PTPRC: variants seen among roughly 807,000 people sequenced by gnomAD.
The protein encoded by PTPRC is receptor-type tyrosine-protein phosphatase C.
In PTPRC, 44 loss-of-function variants were observed where a neutral mutation model predicts 155.9. That is an observed-to-expected ratio of 0.28 (90% confidence interval 0.22 to 0.36). The LOEUF (loss-of-function observed/expected upper bound fraction) is 0.36. Among genes scored for constraint, PTPRC ranks in the 10% least tolerant of loss-of-function variants. PTPRC has a pLI of 1.00. For missense variants in PTPRC, 1,401 were observed against 1,564.6 expected, an observed-to-expected ratio of 0.90 and a Z score of 1.76; for synonymous variants, 525 against 533.1, an observed-to-expected ratio of 0.98 and a Z score of 0.21.
At chr1:198,754,598 G>C (rs1464467272) in intron 32 of PTPRC, 194 bp downstream of exon 32, 2 of 685,222 alleles carry the variant, frequency 2.9e-6, no homozygotes, top group Non-Finnish European at 4.7e-6. Flanking sequence ...ATTATTATAA[G>C]TCTAAATAAG....
chr1:198,683,920 T>C (rs559848084), intron 2 of PTPRC, among the ~76,000 whole-genome samples: 1 of 151,840 alleles, frequency 6.6e-6, no homozygotes, highest in South Asian at 2.1e-4. Flanking sequence ...GGCAAATACT[T>C]TTAGGAGATC....
chr1:198,737,153 T>G (rs1434607511), intron 23 of PTPRC, among the ~76,000 whole-genome samples: 1 of 151,794 alleles, frequency 6.6e-6, no homozygotes, highest in African/African-American at 2.4e-5. Flanking sequence ...CTCTTCACTT[T>G]GTTGATTGTT....
chr1:198,704,477 A>C lies in PTPRC; in HGVS notation c.664A>C (p.Thr222Pro). The change falls in exon 8 of 33, where the codon ACT becomes CCT. Residue 222 changes from threonine (T) to proline (P), a missense_variant. Transcript: ENST00000442510. ...ATTTTTTTTCTCCATTACAGCTACTACTCCATCTAAGCCAACATGTGGTAA... is the reference window on the plus strand; with the variant it reads ...ATTTTTTTTCTCCATTACAGCTACTCCTCCATCTAAGCCAACATGTGGTAA... Reference protein sequence around the residue: ...AVISTTTIATTPSKPTCDEKY... With the variant: ...AVISTTTIATPPSKPTCDEKY... 3 of 1,613,964 alleles carry C rather than the reference A, an allele frequency of 1.9e-6. No individual in the cohort carries two copies. The highest frequency in any genetic ancestry group is 2.5e-6 in the Non-Finnish European group (3 of 1,179,954).
chr1:198,692,850 A>T, intron 3 of PTPRC: 16 of 900,968 alleles, frequency 1.8e-5, no homozygotes, highest in Non-Finnish European at 2.1e-5. Flanking sequence ...ATATTTTTAA[A>T]TAATAATTTT....
chr1:198,735,378 G>A (rs947105015), intron 23 of PTPRC, 126 bp downstream of exon 23: 1 of 920,518 alleles, frequency 1.1e-6, no homozygotes, highest in East Asian at 2.8e-5. Context: ...TAGGATGAAA[G>A]CTGTGGTTAG....
intron 2 of PTPRC, among the ~76,000 whole-genome samples, chr1:198,667,970 T>G (rs1664415469): frequency 6.6e-6 from 1 of 152,252 alleles, no homozygotes; most frequent in Admixed American, 6.5e-5. Context: ...GAAAATTGCA[T>G]GTGTTAGCTT....
intron 31 of PTPRC, 72 bp downstream of exon 31, chr1:198,752,844 C>A (rs1265265360): frequency 1.3e-6 from 2 of 1,505,458 alleles, no homozygotes; most frequent in African/African-American, 2.7e-5. Context: ...GTTGTCTTAT[C>A]TAGTTATCCT....
intron 2 of PTPRC, among the ~76,000 whole-genome samples, chr1:198,665,421 G>T (rs1664234793): frequency 6.6e-6 from 1 of 151,984 alleles, no homozygotes; most frequent in Non-Finnish European, 1.5e-5. Flanking sequence ...TCAAAGTCAA[G>T]AAGTCATTAT....
intron 14 of PTPRC, among the ~76,000 whole-genome samples, chr1:198,719,853 C>T (rs535547555): frequency 1.3e-4 from 20 of 152,174 alleles, no homozygotes; most frequent in Admixed American, 8.5e-4. Flanking sequence ...TCAAGTAATC[C>T]GCCTGCCTCA....
intron 2 of PTPRC, among the ~76,000 whole-genome samples, chr1:198,681,371 G>C (rs2209616): frequency 6.6e-6 from 1 of 152,156 alleles, no homozygotes; most frequent in African/African-American, 2.4e-5. Flanking sequence ...TGTTTTTTCA[G>C]GCATTATCTT....
intron 2 of PTPRC, among the ~76,000 whole-genome samples, chr1:198,647,177 G>C (rs1455862521): frequency 6.6e-6 from 1 of 151,834 alleles, no homozygotes; most frequent in Non-Finnish European, 1.5e-5. Flanking sequence ...TATCCCACTT[G>C]TATAACCCTT....
chr1:198,715,334 A>C (rs1653529751), intron 12 of PTPRC, among the ~76,000 whole-genome samples: 1 of 151,876 alleles, frequency 6.6e-6, no homozygotes, highest in Non-Finnish European at 1.5e-5. Context: ...TGTGTTAGCC[A>C]GGATAGTCTG....
At chr1:198,654,844 A>T (rs561440337) in intron 2 of PTPRC, among the ~76,000 whole-genome samples, 2 of 151,898 alleles carry the variant, frequency 1.3e-5, no homozygotes, top group Non-Finnish European at 2.9e-5. Flanking sequence ...AAACACATCA[A>T]TTTTTCATGT....
chr1:198,691,035 T>A (rs1165441317), intron 2 of PTPRC, among the ~76,000 whole-genome samples: 2 of 152,080 alleles, frequency 1.3e-5, no homozygotes, highest in African/African-American at 4.8e-5. Context: ...TACTCTTTAT[T>A]CTTGTTTGCT....
chr1:198,729,608 A>G (rs900716519), intron 17 of PTPRC, among the ~76,000 whole-genome samples: 3 of 152,088 alleles, frequency 2.0e-5, no homozygotes, highest in Non-Finnish European at 4.4e-5. Flanking sequence ...TACAGTGATA[A>G]AACTTAAATT....
intron 2 of PTPRC, among the ~76,000 whole-genome samples, chr1:198,650,491 A>G (rs1663185917): frequency 6.6e-6 from 1 of 151,846 alleles, no homozygotes; most frequent in African/African-American, 2.4e-5. Context: ...AAAGACAAAG[A>G]CATTTTAGAG....
chr1:198,707,287 T>C (rs944494648), intron 9 of PTPRC, among the ~76,000 whole-genome samples: 7 of 152,230 alleles, frequency 4.6e-5, no homozygotes, highest in Admixed American at 1.3e-4. Context: ...TATATGTACA[T>C]ATATTTATTC....
Position 198,756,245 on chromosome 1 carries a change from T to C in PTPRC, c.*64T>C. Reference sequence around the variant, plus strand: ...GCTGTTATTTCTATTTTTGTAGAAGTAGGAAGTGAAAATAGGTATACAGTG... The same window carrying C: ...GCTGTTATTTCTATTTTTGTAGAAGCAGGAAGTGAAAATAGGTATACAGTG... On this transcript the variant is annotated 3_prime_UTR_variant, in exon 33 of 33. Transcript: ENST00000442510. The C allele has an allele frequency of 6.3e-7, 1 of 1,591,316 alleles. No homozygotes were observed. Among genetic ancestry groups the C allele is most frequent in the Non-Finnish European group, 8.6e-7 (1 of 1,163,838 alleles).
At position 198,757,448 on chromosome 1, in the gene PTPRC, A is replaced by G. The variant is rs1275897471; in HGVS notation, c.*1267A>G. The G allele has an allele frequency of 1.3e-5, 2 of 151,690 alleles. No homozygotes were observed. The highest frequency in any genetic ancestry group is 3.0e-5 in the Non-Finnish European group (2 of 67,788). The allele number at this position is 151,690 out of a possible 1,614,324, so 9.4% of individuals were successfully genotyped here. ...AAAATCAAGAATAGTGGTATTTTTC[A>G]TGAAGTAATAAAAACTCGTTTTGGT... On this transcript the variant is annotated 3_prime_UTR_variant, in exon 33 of 33. Coordinates refer to ENST00000442510, the MANE Select transcript of PTPRC (RefSeq NM_002838.5).
Sources: gnomAD v4.1 joint callset for allele counts (sites outside exome capture counted in the v4.1 genomes callset) on GRCh38, gnomAD v4.1.1 for gene constraint, MANE v1.5 for transcripts, NCBI Gene and HGNC (gene_info 2026-07-23, HGNC 2026-07-21) for gene names.